TNS1: variants seen among roughly 807,000 people sequenced by gnomAD.
TNS1 encodes tensin 1, also known as tensin-1.
A neutral mutation model predicts 168.6 loss-of-function variants in TNS1; 62 were observed. The ratio of observed to expected loss-of-function variants is 0.37; its 90% confidence interval spans 0.30 to 0.45. The LOEUF (loss-of-function observed/expected upper bound fraction) is 0.45, where lower values mean the gene tolerates loss of function less well. Ranked by LOEUF, TNS1 falls within the 20% of genes least tolerant of loss-of-function variation. The pLI is 1.00. For synonymous variants in TNS1, 934 were observed against 933.2 expected (o/e 1.00, Z -0.02); for missense variants, 2,240 against 2,339.4 (o/e 0.96, Z 0.88).
chr2:217,918,240 A>T (rs906120451), intron 4 of TNS1, among the ~76,000 whole-genome samples: 1 of 152,228 alleles, frequency 6.6e-6, no homozygotes, highest in Non-Finnish European at 1.5e-5. Flanking sequence ...ATTATGAAGA[A>T]GAGAAACGGA....
At chr2:217,805,513 A>AC (rs1559132037) in intron 32 of TNS1, among the ~76,000 whole-genome samples, 14 of 27,524 alleles carry the variant, frequency 5.1e-4, no homozygotes, top group South Asian at 1.5e-3. Flanking sequence ...ACCACCACAC[A>AC]CACCACACAC....
At chr2:217,981,182 C>G (rs953695584) in intron 2 of TNS1, among the ~76,000 whole-genome samples, 3 of 152,212 alleles carry the variant, frequency 2.0e-5, no homozygotes, top group Non-Finnish European at 4.4e-5. Context: ...TAGAAGGAGG[C>G]CCATCCCCTG....
At chr2:217,925,359 C>G (rs1955961809) in intron 3 of TNS1, among the ~76,000 whole-genome samples, 1 of 152,170 alleles carries the variant, frequency 6.6e-6, no homozygotes, top group Non-Finnish European at 1.5e-5. Flanking sequence ...AGTGGCAGGA[C>G]CAGGGCCCCA....
intron 12 of TNS1, chr2:217,890,712 G>A (rs1023568790): frequency 8.9e-6 from 5 of 558,982 alleles, no homozygotes; most frequent in South Asian, 8.6e-5. Flanking sequence ...CCCCATGAAG[G>A]TTGCACTGCT....
chr2:217,870,695 G>A (rs993152505), intron 18 of TNS1, among the ~76,000 whole-genome samples: 10 of 152,172 alleles, frequency 6.6e-5, no homozygotes, highest in South Asian at 4.1e-4. Context: ...GCCTGCACCC[G>A]ATGGCAGAGA....
rs1398795259 is a variant in TNS1 at position 217,995,209 on chromosome 2, A to T, written c.34-4153T>A. Among the ~76,000 whole-genome samples, 1 of 152,160 alleles carries T rather than the reference A, an allele frequency of 6.6e-6. No homozygotes were observed. Among genetic ancestry groups the T allele is most frequent in the Non-Finnish European group, 1.5e-5 (1 of 68,030 alleles). Reference sequence around the variant, plus strand: ...TGGCCCCCAGGCTCTGCTGGCATCCACTTAGTTCCGCTGTGAAACAGGGAC... The same window carrying T: ...TGGCCCCCAGGCTCTGCTGGCATCCTCTTAGTTCCGCTGTGAAACAGGGAC... On this transcript the variant is annotated intron_variant, in intron 1 of 32. Transcript: ENST00000682258. The surrounding 1 kb of genome is among the most constrained non-coding windows in gnomAD (Gnocchi z 4.1).
At chr2:217,915,307 C>A (rs374606378) in intron 4 of TNS1, among the ~76,000 whole-genome samples, 3 of 152,286 alleles carry the variant, frequency 2.0e-5, no homozygotes, top group South Asian at 2.1e-4. Context: ...TCTGACACTG[C>A]GAGACCTTCA....
intron 32 of TNS1, among the ~76,000 whole-genome samples, chr2:217,805,541 C>T (rs1415700365): frequency 0.011 from 20 of 1,764 alleles, no homozygotes; most frequent in Non-Finnish European, 0.018. Context: ...ACACCACACA[C>T]ACCACCACAC....
intron 3 of TNS1, among the ~76,000 whole-genome samples, chr2:217,977,483 T>A (rs1388036632): frequency 6.6e-6 from 1 of 152,200 alleles, no homozygotes; most frequent in East Asian, 1.9e-4. Context: ...GGAGGAAGAT[T>A]CTTCCCAGAC....
intron 1 of TNS1, among the ~76,000 whole-genome samples, chr2:218,031,517 T>C (rs529676150): frequency 6.3e-4 from 89 of 141,224 alleles, no homozygotes; most frequent in Non-Finnish European, 1.2e-3. Context: ...TATGAGTGTG[T>C]CTTGTGTGAG....
intron 21 of TNS1, among the ~76,000 whole-genome samples, chr2:217,832,753 T>C (rs554375128): frequency 6.6e-6 from 1 of 152,326 alleles, no homozygotes; most frequent in South Asian, 2.1e-4. Context: ...AACAGGAAGA[T>C]ATCACAGGGG....
At chr2:217,939,684 T>G (rs1168032162) in intron 3 of TNS1, among the ~76,000 whole-genome samples, 1 of 151,630 alleles carries the variant, frequency 6.6e-6, no homozygotes, top group Admixed American at 6.6e-5. Flanking sequence ...GCCTTGCTGG[T>G]CCAGTCCCTC....
chr2:217,832,359 G>A (rs941088036), intron 21 of TNS1, among the ~76,000 whole-genome samples: 2 of 152,160 alleles, frequency 1.3e-5, no homozygotes, highest in Admixed American at 6.5e-5. Flanking sequence ...CAAGAACCTG[G>A]CCAGATTCAG....
intron 19 of TNS1, chr2:217,842,177 C>T: frequency 1.4e-6 from 1 of 701,202 alleles, no homozygotes; most frequent in South Asian, 1.5e-5. Context: ...CTGTCCTCAA[C>T]CCCTCGGTGA....
At chr2:217,938,086 C>A (rs1200003201) in intron 3 of TNS1, among the ~76,000 whole-genome samples, 1 of 152,212 alleles carries the variant, frequency 6.6e-6, no homozygotes, top group Non-Finnish European at 1.5e-5. Context: ...GGAAGGGAAG[C>A]AAGATAGGGC....
At chr2:217,850,741 C>CA (rs1947374958) in intron 18 of TNS1, among the ~76,000 whole-genome samples, 1 of 152,082 alleles carries the variant, frequency 6.6e-6, no homozygotes, top group African/African-American at 2.4e-5. Flanking sequence ...CCGAGCCAGA[C>CA]AAAAAGACAG....
intron 3 of TNS1, among the ~76,000 whole-genome samples, chr2:217,923,359 A>T (rs1399827533): frequency 6.6e-6 from 1 of 152,146 alleles, no homozygotes; most frequent in Non-Finnish European, 1.5e-5. Flanking sequence ...TAAAAATCAC[A>T]GCAGCAAATA....
chr2:218,010,191 G>A, exon 1 of TNS1: 1 of 399,118 alleles, frequency 2.5e-6, no homozygotes. Flanking sequence ...ACTCAGCCGA[G>A]TCATGCTGAC....
At chr2:217,824,948 G>T (rs1943399199) in intron 22 of TNS1, among the ~76,000 whole-genome samples, 2 of 152,080 alleles carry the variant, frequency 1.3e-5, no homozygotes, top group African/African-American at 2.4e-5. Flanking sequence ...CACACAGCAG[G>T]CCCTCAATCT....
Sources: allele counts gnomAD v4.1 joint callset (sites outside exome capture counted in the v4.1 genomes callset), GRCh38; gene constraint gnomAD v4.1.1; non-coding constraint Gnocchi (gnomAD v3.1); transcripts MANE v1.5; gene names NCBI Gene and HGNC (gene_info 2026-07-23, HGNC 2026-07-21).